The following MTCL1 variants were observed in gnomAD, a reference collection of about 807,000 sequenced individuals.
MTCL1 encodes microtubule cross-linking factor 1.
A neutral mutation model predicts 141.4 loss-of-function variants in MTCL1; 79 were observed. The ratio of observed to expected loss-of-function variants is 0.56; its 90% CI spans 0.47 to 0.67. The LOEUF (loss-of-function observed/expected upper bound fraction) is 0.67. MTCL1 is among the 30% of genes least tolerant of loss of function. The pLI is 0.00. For synonymous variants in MTCL1, 914 were observed against 875.8 expected (o/e 1.04, Z -0.77); for missense variants, 2,177 against 2,113.9 (o/e 1.03, Z -0.59).
chr18:8,802,168 T>C (rs1424234499), intron 10 of MTCL1: 1 of 152,190 alleles, frequency 6.6e-6, no homozygotes, highest in African/African-American at 2.4e-5. Flanking sequence ...GTGGAGGAGT[T>C]GCCTGTGTTG....
At chr18:8,826,084 C>A (rs760879912) in exon 15 of MTCL1, 1 of 1,611,256 alleles carries the variant, frequency 6.2e-7, no homozygotes, top group Non-Finnish European at 8.5e-7. Context: ...CCTGGCTACA[C>A]GCTCACTGAG....
chr18:8,756,011 C>A (rs979835157), intron 4 of MTCL1, among the ~76,000 whole-genome samples: 8 of 152,164 alleles, frequency 5.3e-5, no homozygotes, highest in African/African-American at 1.9e-4. Flanking sequence ...GTGGTGCACA[C>A]CTGTAATCCC....
At chr18:8,720,385 G>A (rs1355288730) in exon 4 of MTCL1, 1 of 1,614,032 alleles carries the variant, frequency 6.2e-7, no homozygotes, top group East Asian at 2.2e-5. Flanking sequence ...TTAAGACGGT[G>A]GAGGAAAAGC....
intron 10 of MTCL1, among the ~76,000 whole-genome samples, chr18:8,803,386 A>G (rs2076186926): frequency 6.6e-6 from 1 of 152,156 alleles, no homozygotes; most frequent in Non-Finnish European, 1.5e-5. Context: ...GATGTGACAT[A>G]TATATAAGGT....
At chr18:8,827,390 G>A (rs1157345947) in intron 15 of MTCL1, among the ~76,000 whole-genome samples, 1 of 152,194 alleles carries the variant, frequency 6.6e-6, no homozygotes, top group African/African-American at 2.4e-5. Flanking sequence ...ATCTGAATAG[G>A]TCAGACCTGT....
chr18:8,823,914 C>T (rs980815786), intron 14 of MTCL1, among the ~76,000 whole-genome samples: 2 of 152,206 alleles, frequency 1.3e-5, no homozygotes, highest in South Asian at 2.1e-4. Flanking sequence ...TCCACAGGGC[C>T]TGCACTAGTC....
upstream of MTCL1, among the ~76,000 whole-genome samples, chr18:8,716,369 C>G (rs1023647626): frequency 6.6e-6 from 1 of 152,102 alleles, no homozygotes; most frequent in African/African-American, 2.4e-5. Context: ...AACCTACATG[C>G]TGGATTGGGG....
chr18:8,725,951 G>A (rs1009137800), intron 4 of MTCL1, among the ~76,000 whole-genome samples: 2 of 151,602 alleles, frequency 1.3e-5, no homozygotes, highest in African/African-American at 4.8e-5. Context: ...CACCACGCCC[G>A]GCTAATTTTT....
exon 17 of MTCL1, chr18:8,832,069 C>T (rs767284906): frequency 3.9e-4 from 196 of 502,064 alleles, no homozygotes; most frequent in Non-Finnish European, 5.7e-4. Flanking sequence ...GTATATTAAA[C>T]GAAAAGGTAA....
intron 4 of MTCL1, among the ~76,000 whole-genome samples, chr18:8,751,040 T>C (rs2096368242): frequency 6.6e-6 from 1 of 152,188 alleles, no homozygotes; most frequent in Non-Finnish European, 1.5e-5. Flanking sequence ...GACAGTGCCC[T>C]GGGCAGCGGG....
chr18:8,804,986 CAAAAA>C (rs11347124), intron 10 of MTCL1, among the ~76,000 whole-genome samples: 10 of 115,548 alleles, frequency 8.7e-5, no homozygotes, highest in East Asian at 2.4e-4. Context: ...GACCTTGCCT[CAAAAA>C]AAAAAAAAAA....
upstream of MTCL1, among the ~76,000 whole-genome samples, chr18:8,715,534 A>C (rs2096123302): frequency 6.6e-6 from 1 of 152,234 alleles, no homozygotes; most frequent in South Asian, 2.1e-4. Flanking sequence ...AGTGTTGAAC[A>C]TTTAGTGATT....
In MTCL1 at chr18:8,817,939, A is replaced by G. The variant is rs561373716; in HGVS notation, c.2860-1024A>G. Among the ~76,000 whole-genome samples, 121 of 152,330 alleles carry G rather than the reference A, an allele frequency of 7.9e-4. 1 individual carries two copies. The highest frequency in any genetic ancestry group is 2.9e-3 in the African/African-American group (120 of 41,568). On this transcript the variant is annotated intron_variant, in intron 12 of 16. Transcript: ENST00000359865. ...AGGAGGGATCAGAAGAATGGAGTGGAAGCTGGTGAGGGCTCCTCTGGGGAG... is the reference window on the plus strand; with the variant it reads ...AGGAGGGATCAGAAGAATGGAGTGGGAGCTGGTGAGGGCTCCTCTGGGGAG...
chr18:8,784,899 C>A, intron 6 of MTCL1, 56 bp downstream of exon 5: 1 of 1,443,488 alleles, frequency 6.9e-7, no homozygotes, highest in Non-Finnish European at 9.3e-7. Context: ...CTCCTTCTCG[C>A]TGGCATTGCT....
chr18:8,714,474 G>GA (rs2096113940), upstream of MTCL1, among the ~76,000 whole-genome samples: 1 of 152,044 alleles, frequency 6.6e-6, no homozygotes, highest in Non-Finnish European at 1.5e-5. Flanking sequence ...AATTTATAAA[G>GA]AAAAAAGGGT....
chr18:8,826,161 G>C, exon 15 of MTCL1: 1 of 1,612,994 alleles, frequency 6.2e-7, no homozygotes. Flanking sequence ...GAGGCAGGCT[G>C]CCCACGGGCC....
At chr18:8,724,208 G>A (rs762793252) in intron 4 of MTCL1, among the ~76,000 whole-genome samples, 1 of 152,146 alleles carries the variant, frequency 6.6e-6, no homozygotes, top group South Asian at 2.1e-4. Flanking sequence ...TTAGGAGTTC[G>A]AGACCAGCCT....
At chr18:8,715,900 C>A (rs561492456), upstream of MTCL1, among the ~76,000 whole-genome samples, 21 of 152,270 alleles carry the variant, frequency 1.4e-4, no homozygotes, top group Admixed American at 1.4e-3. Flanking sequence ...AAGCACTGTC[C>A]TGAAAGAGCT....
chr18:8,749,810 G>C (rs1431559649), intron 4 of MTCL1, among the ~76,000 whole-genome samples: 2 of 152,160 alleles, frequency 1.3e-5, no homozygotes, highest in South Asian at 2.1e-4. Flanking sequence ...ACTTCGGGCA[G>C]GTTGCTTAAT....
Sources: allele counts gnomAD v4.1 joint callset (sites outside exome capture counted in the v4.1 genomes callset), GRCh38; gene constraint gnomAD v4.1.1; transcripts MANE v1.5; gene names NCBI Gene and HGNC (gene_info 2026-07-23, HGNC 2026-07-21).